Variants in FANCD2OS observed in about 807,000 individuals in gnomAD.
FANCD2OS encodes FANCD2 opposite strand, also known as FANCD2 opposite strand protein.
Under a neutral mutation model 13.2 loss-of-function variants are expected in FANCD2OS, and 11 were observed. The ratio of observed to expected loss-of-function variants is 0.83; its 90% CI spans 0.52 to 1.38. The LOEUF (loss-of-function observed/expected upper bound fraction) is 1.38. FANCD2OS is among the 40% of genes most tolerant of loss of function. The probability of loss-of-function intolerance (pLI) is 0.00; values close to 1 mark genes in which losing one functional copy is unlikely to be tolerated. For missense variants in FANCD2OS, 217 were observed against 213.9 expected, an observed-to-expected ratio of 1.01 and a Z score of -0.09; for synonymous variants, 69 against 84.5, an observed-to-expected ratio of 0.82 and a Z score of 1.01.
chr3:10,084,445 A>G (rs893682064), intron 2 of FANCD2OS, among the ~76,000 whole-genome samples: 2 of 150,860 alleles, frequency 1.3e-5, no homozygotes, highest in African/African-American at 4.9e-5. Context: ...ATGTACCACC[A>G]TGCCCAGCTG....
rs754592456 is a variant in FANCD2OS, at chr3:10,092,162, A to G, written c.*44-10631T>C. On this transcript the variant is annotated intron_variant, in intron 2 of 2. Transcript: ENST00000524279. ...ATTTGGCTGTGACTCAGAGGTGCCC[A>G]TATATTTGGCTGCCCCAGATTCATG... 23 of 1,597,102 alleles carry G rather than the reference A, an allele frequency of 1.4e-5. No homozygotes were observed. The highest frequency in any genetic ancestry group is 1.7e-5 in the Non-Finnish European group (20 of 1,164,586).
In FANCD2OS at chr3:10,095,099, G is replaced by A. The variant is rs950038450; in HGVS notation, c.*43+9099C>T. ...TGATTATCAGCATAGGCTGGAAACT[G>A]CAGAGTTTATCCTCTTTGGAGCTTT... is the stretch of plus-strand genomic sequence containing the variant. On this transcript the variant is annotated intron_variant, in intron 2 of 2. Coordinates refer to the FANCD2OS transcript ENST00000524279. 1.4e-5 allele frequency: 14 copies of A among 972,460 alleles called. No individual in the cohort carries two copies. In the East Asian group the frequency reaches 1.5e-4, roughly 11 times the overall value. The allele number at this position is 972,460 out of a possible 1,614,324, so 60.2% of individuals were successfully genotyped here.
chr3:10,088,940 A>G (rs762147303), intron 2 of FANCD2OS: 1 of 1,614,068 alleles, frequency 6.2e-7, no homozygotes, highest in Non-Finnish European at 8.5e-7. Flanking sequence ...CACATTCCCT[A>G]CACTGACCAG....
intron 2 of FANCD2OS, chr3:10,085,953 G>C: frequency 6.8e-7 from 1 of 1,462,212 alleles, no homozygotes; most frequent in Non-Finnish European, 9.6e-7. Context: ...CAAGATTGTT[G>C]TCCCAAGAAA....
At position 10,104,492 on chromosome 3, in the gene FANCD2OS, G is replaced by A. The variant is rs113633522; in HGVS notation, c.283C>T (p.Arg95Cys). Reference sequence around the variant, plus strand: ...AAGACAGAATCTACTCCACTGAGGCGGATGGGCTGGGGCTTCCTGACCAGT... The same window carrying A: ...AAGACAGAATCTACTCCACTGAGGCAGATGGGCTGGGGCTTCCTGACCAGT... Reference protein sequence around the residue: ...KGLVRKPQPIRLSGVDSVFGR... With the variant: ...KGLVRKPQPICLSGVDSVFGR... The change falls in exon 2 of 2, where the codon CGC becomes TGC. Residue 95 changes from arginine to cysteine, a missense_variant. Transcript: ENST00000450660. The A allele has an allele frequency of 6.6e-5, 107 of 1,614,040 alleles. 1 individual carries two copies. In the South Asian group the frequency reaches 8.0e-4, roughly 12 times the overall value.
At chr3:10,088,754 A>G in intron 2 of FANCD2OS, 1 of 1,488,396 alleles carries the variant, frequency 6.7e-7, no homozygotes, top group Non-Finnish European at 9.4e-7. Context: ...TTCAGATCAT[A>G]GAGGAATTAG....
chr3:10,095,150 A>T, intron 2 of FANCD2OS: 1 of 1,474,826 alleles, frequency 6.8e-7, no homozygotes, highest in Non-Finnish European at 9.5e-7. Flanking sequence ...CTTGAATCTA[A>T]AATGAAATCA....
intron 2 of FANCD2OS, chr3:10,092,377 G>A (rs899558463): frequency 2.0e-5 from 16 of 799,506 alleles, no homozygotes; most frequent in South Asian, 5.4e-5. Context: ...TCCCTGAGTC[G>A]TCTTCTTCCT....
intron 2 of FANCD2OS, chr3:10,090,176 A>C (rs1694499858): frequency 1.4e-6 from 1 of 722,420 alleles, no homozygotes; most frequent in East Asian, 2.7e-5. Context: ...TAAGGACCCT[A>C]GTGAAAGGAC....
downstream of FANCD2OS, chr3:10,099,339 C>A: frequency 8.3e-7 from 1 of 1,201,632 alleles, no homozygotes; most frequent in Non-Finnish European, 1.0e-6. Flanking sequence ...AAAATGTAGA[C>A]ATGGCTGGCG....
chr3:10,100,650 T>C (rs1014732666), downstream of FANCD2OS, among the ~76,000 whole-genome samples: 1 of 152,206 alleles, frequency 6.6e-6, no homozygotes, highest in African/African-American at 2.4e-5. Flanking sequence ...GGGATTACTT[T>C]GGCGTGAGCC....
chr3:10,093,004 T>C (rs1694746193), intron 2 of FANCD2OS, among the ~76,000 whole-genome samples: 1 of 152,154 alleles, frequency 6.6e-6, no homozygotes, highest in South Asian at 2.1e-4. Context: ...ATCCAGTCTT[T>C]CTTAAGTCTT....
chr3:10,101,152 C>A, downstream of FANCD2OS: 3 of 1,526,414 alleles, frequency 2.0e-6, no homozygotes, highest in Non-Finnish European at 2.7e-6. Flanking sequence ...AGAGCAGTAA[C>A]CTAAAATGCT....
intron 2 of FANCD2OS, chr3:10,094,272 G>GT (rs1694822175): frequency 6.2e-7 from 1 of 1,608,290 alleles, no homozygotes; most frequent in Admixed American, 1.7e-5. Context: ...AGGTAACAGT[G>GT]TGTCTCTCTT....
chr3:10,095,689 A>T (rs1694911825), intron 2 of FANCD2OS, among the ~76,000 whole-genome samples: 1 of 152,178 alleles, frequency 6.6e-6, no homozygotes, highest in African/African-American at 2.4e-5. Flanking sequence ...GTCTTATGAG[A>T]ACATCTTAGC....
At chr3:10,100,792 G>A (rs530301423), downstream of FANCD2OS, among the ~76,000 whole-genome samples, 68 of 152,252 alleles carry the variant, frequency 4.5e-4, no homozygotes, top group African/African-American at 1.5e-3. Context: ...AAATTGGGCC[G>A]GGCGCAATGG....
exon 3 of FANCD2OS, chr3:10,081,491 A>G: frequency 2.1e-6 from 3 of 1,442,726 alleles, no homozygotes; most frequent in Non-Finnish European, 2.9e-6. Context: ...TGTGGAGAGA[A>G]CTGAGTATAT....
downstream of FANCD2OS, among the ~76,000 whole-genome samples, chr3:10,102,650 G>A (rs1312341117): frequency 6.6e-6 from 1 of 151,360 alleles, no homozygotes; most frequent in Non-Finnish European, 1.5e-5. Context: ...AGACCATCCT[G>A]GCTAACACAG....
chr3:10,084,901 C>T (rs1344029236), intron 2 of FANCD2OS, among the ~76,000 whole-genome samples: 1 of 152,040 alleles, frequency 6.6e-6, no homozygotes, highest in African/African-American at 2.4e-5. Flanking sequence ...CTTCTGGCAG[C>T]AGAGTGCAGG....
Sources: allele counts gnomAD v4.1 joint callset (sites outside exome capture counted in the v4.1 genomes callset), GRCh38; gene constraint gnomAD v4.1.1; transcripts MANE v1.5; gene names NCBI Gene and HGNC (gene_info 2026-07-23, HGNC 2026-07-21).